Variants in ADAMTSL3 observed in about 807,000 individuals in gnomAD.
The protein encoded by ADAMTSL3 is ADAMTS like 3, also known as ADAMTS-like protein 3.
Under a neutral mutation model 201.7 loss-of-function variants are expected in ADAMTSL3, and 128 were observed. The ratio of observed to expected loss-of-function variants is 0.63; its 90% CI spans 0.55 to 0.73. ADAMTSL3 has a LOEUF of 0.73. ADAMTSL3 is among the 30% of genes least tolerant of loss of function. The probability of loss-of-function intolerance (pLI) is 0.00; values close to 1 mark genes in which losing one functional copy is unlikely to be tolerated. For missense variants in ADAMTSL3, 1,990 were observed against 2,119.6 expected (o/e 0.94, Z 1.20); for synonymous variants, 738 against 748.4 (o/e 0.99, Z 0.23).
At chr15:83,814,630 T>G (rs1297351418) in intron 5 of ADAMTSL3, among the ~76,000 whole-genome samples, 1 of 152,226 alleles carries the variant, frequency 6.6e-6, no homozygotes, top group Non-Finnish European at 1.5e-5. Flanking sequence ...AACAATTTAT[T>G]TTTATGCTAG....
intron 17 of ADAMTSL3, among the ~76,000 whole-genome samples, chr15:83,930,517 C>A (rs2066336064): frequency 6.6e-6 from 1 of 152,160 alleles, no homozygotes. Flanking sequence ...CATGCATCAG[C>A]CTGTGTACTG....
At chr15:83,927,531 G>A (rs1043504747) in intron 17 of ADAMTSL3, among the ~76,000 whole-genome samples, 2 of 152,154 alleles carry the variant, frequency 1.3e-5, no homozygotes, top group African/African-American at 2.4e-5. Context: ...ACTGCCCTAA[G>A]TCTCTTTTTG....
At chr15:83,701,864 T>C (rs139599692) in intron 2 of ADAMTSL3, among the ~76,000 whole-genome samples, 2 of 152,286 alleles carry the variant, frequency 1.3e-5, no homozygotes, top group Non-Finnish European at 2.9e-5. Context: ...GCTGAAAAGA[T>C]ACCTGAAAAT....
At chr15:83,746,458 G>A (rs2062549090) in intron 3 of ADAMTSL3, among the ~76,000 whole-genome samples, 1 of 151,838 alleles carries the variant, frequency 6.6e-6, no homozygotes, top group South Asian at 2.1e-4. Flanking sequence ...ATCAGTGTCT[G>A]TCACAAATCC....
chr15:83,732,580 A>T (rs2062297681), intron 3 of ADAMTSL3, among the ~76,000 whole-genome samples: 2 of 152,160 alleles, frequency 1.3e-5, no homozygotes, highest in Admixed American at 1.3e-4. Context: ...GACATTTATT[A>T]ATGAATTTGG....
intron 21 of ADAMTSL3, 75 bp from the exon 22 acceptor site, chr15:83,988,616 T>C: frequency 1.5e-6 from 2 of 1,328,386 alleles, no homozygotes; most frequent in Non-Finnish European, 2.0e-6. Context: ...GCAGTCTTCT[T>C]TCTCTGCAAC....
At chr15:83,903,242 C>CTTTTTT (rs3044648) in intron 15 of ADAMTSL3, among the ~76,000 whole-genome samples, 6,311 of 133,416 alleles carry the variant, frequency 0.047, 327 homozygotes, top group African/African-American at 0.1. Flanking sequence ...GCTGCCAGAT[C>CTTTTTT]TTTTTTTTTT....
chr15:83,832,310 C>T (rs779919500), intron 6 of ADAMTSL3, among the ~76,000 whole-genome samples: 1 of 152,218 alleles, frequency 6.6e-6, no homozygotes, highest in African/African-American at 2.4e-5. Context: ...TTAGTTGACT[C>T]CAGGAGTTTC....
chr15:83,847,045 C>T (rs982445101), intron 7 of ADAMTSL3, among the ~76,000 whole-genome samples: 7 of 152,140 alleles, frequency 4.6e-5, no homozygotes, highest in Admixed American at 6.5e-5. Flanking sequence ...AATAAACATA[C>T]GTCAGGTTGG....
intron 3 of ADAMTSL3, among the ~76,000 whole-genome samples, chr15:83,764,279 A>C (rs918658816): frequency 6.6e-6 from 1 of 152,092 alleles, no homozygotes; most frequent in Admixed American, 6.6e-5. Flanking sequence ...AGTTTTCCAA[A>C]ATACAGTCTG....
chr15:83,693,058 C>CT (rs1050060717), intron 2 of ADAMTSL3, among the ~76,000 whole-genome samples: 30 of 151,264 alleles, frequency 2.0e-4, no homozygotes, highest in African/African-American at 6.8e-4. Context: ...GCTGGTAATG[C>CT]TTTTTTTTTC....
intron 4 of ADAMTSL3, among the ~76,000 whole-genome samples, chr15:83,781,565 A>G (rs2063168964): frequency 6.6e-6 from 1 of 152,200 alleles, no homozygotes; most frequent in Admixed American, 6.5e-5. Context: ...TGAGGAAGAC[A>G]CCAAAAGCAG....
intron 11 of ADAMTSL3, 198 bp from the exon 12 acceptor site, chr15:83,891,131 G>A (rs2065491171): frequency 1.9e-6 from 1 of 522,396 alleles, no homozygotes; most frequent in African/African-American, 1.9e-5. Context: ...AATAGAACTG[G>A]GGAATTTGTG....
At chr15:83,886,465 A>G (rs991821485) in intron 10 of ADAMTSL3, among the ~76,000 whole-genome samples, 1 of 152,188 alleles carries the variant, frequency 6.6e-6, no homozygotes, top group Non-Finnish European at 1.5e-5. Context: ...AAGAGCATAC[A>G]GTAGTATCTT....
chr15:83,993,134 C>A (rs1342288449), intron 23 of ADAMTSL3, among the ~76,000 whole-genome samples: 1 of 152,194 alleles, frequency 6.6e-6, no homozygotes, highest in African/African-American at 2.4e-5. Context: ...TTCTTATGGG[C>A]AGAAGCCATA....
intron 7 of ADAMTSL3, among the ~76,000 whole-genome samples, chr15:83,855,409 G>A (rs561164607): frequency 6.6e-6 from 1 of 152,226 alleles, no homozygotes; most frequent in African/African-American, 2.4e-5. Context: ...TGCCTCCTGG[G>A]GAAAAGCTGT....
intron 6 of ADAMTSL3, among the ~76,000 whole-genome samples, chr15:83,820,670 C>T (rs187217362): frequency 1.1e-3 from 175 of 152,306 alleles, no homozygotes; most frequent in Middle Eastern, 3.4e-3. Context: ...GATTTATTTA[C>T]TGAAAACTAA....
intron 2 of ADAMTSL3, among the ~76,000 whole-genome samples, chr15:83,678,789 G>A (rs11857778): frequency 9.5e-5 from 5 of 52,380 alleles, no homozygotes; most frequent in East Asian, 1.4e-3. Context: ...TAATATATAT[G>A]TATATATAAT....
chr15:83,860,659 A>C (rs1227088865), intron 8 of ADAMTSL3, among the ~76,000 whole-genome samples: 1 of 152,214 alleles, frequency 6.6e-6, no homozygotes. Flanking sequence ...AGTAAGCAAT[A>C]AATAGAATAA....
Sources: gnomAD v4.1 joint callset for allele counts (sites outside exome capture counted in the v4.1 genomes callset) on GRCh38, gnomAD v4.1.1 for gene constraint, MANE v1.5 for transcripts, NCBI Gene and HGNC (gene_info 2026-07-23, HGNC 2026-07-21) for gene names.